The following POF1B variants were observed in gnomAD, a reference collection of about 807,000 sequenced individuals.
The protein encoded by POF1B is protein POF1B.
A neutral mutation model predicts 55.3 loss-of-function variants in POF1B; 53 were observed. That is an observed-to-expected ratio of 0.96 (90% CI 0.77 to 1.20). The LOEUF (loss-of-function observed/expected upper bound fraction) is 1.20, where lower values mean the gene tolerates loss of function less well. Among genes scored for constraint, POF1B ranks in the 50% most tolerant of loss-of-function variants. POF1B has a pLI of 0.00. For synonymous variants in POF1B, 188 were observed against 148.3 expected (o/e 1.27, Z -1.95); for missense variants, 478 against 420.5 (o/e 1.14, Z -1.20).
At chrX:85,323,180 G>A (rs1932858234) in intron 7 of POF1B, among the ~76,000 whole-genome samples, 1 of 111,473 alleles carries the variant, frequency 9.0e-6, no homozygotes, top group Admixed American at 9.5e-5. Context: ...CAATAGCAAA[G>A]GCTTGGAACC....
At position 85,278,170 on chromosome X, in the gene POF1B, G is replaced by C. The variant is rs915296941; in HGVS notation, c.*1251C>G. The C allele has an allele frequency of 1.8e-5, 2 of 110,572 alleles. No homozygotes were observed. Among genetic ancestry groups the C allele is most frequent in the Admixed American group, 1.9e-4 (2 of 10,326 alleles). 9.1% of individuals were successfully genotyped at this position (110,572 alleles called of 1,213,427 possible). On this transcript the variant is annotated 3_prime_UTR_variant, in exon 17 of 17. Transcript: ENST00000262753. ...ATTAAAAGTTTTTTCCTCATTTATG[G>C]TTTGATTTAGTGTAGTGCCTCAACT...
rs776580419 is a variant in POF1B, at chrX:85,282,362, A to G, written c.1650-45T>C. ...TAGTTTACAGGCTGCATGAGAAAAT[A>G]ACTTTCATTCCTTTTTAGTCACTCC... On this transcript the variant is annotated intron_variant, in intron 15 of 16. Coordinates refer to ENST00000262753, the MANE Select transcript of POF1B (RefSeq NM_024921.4). 53 of 933,304 alleles carry G rather than the reference A, an allele frequency of 5.7e-5. 1 individual carries two copies. The Middle Eastern group carries it at 0.011, about 191-fold the overall frequency. 76.9% of individuals were successfully genotyped at this position (933,304 alleles called of 1,213,427 possible).
intron 7 of POF1B, among the ~76,000 whole-genome samples, chrX:85,315,939 A>G (rs913713513): frequency 9.0e-6 from 1 of 111,560 alleles, no homozygotes; most frequent in African/African-American, 3.2e-5. Flanking sequence ...TAGCAAATCT[A>G]TTAAAAAAGA....
rs41300878 is a variant in POF1B, at chrX:85,278,752, A to G, written c.*669T>C. 14,528 of 110,273 alleles carry G rather than the reference A, an allele frequency of 0.13. 726 individuals are homozygous for G. The highest frequency in any genetic ancestry group is 0.17 in the South Asian group (453 of 2,640). The allele number at this position is 110,273 out of a possible 1,213,427, so 9.1% of individuals were successfully genotyped here. On this transcript the variant is annotated 3_prime_UTR_variant, in exon 17 of 17. Coordinates refer to ENST00000262753, the MANE Select transcript of POF1B (RefSeq NM_024921.4). ...AAAGAACAGATTTGCCAAGGGACTAATATGTACTTAGAACCAGAATAGCAT... is the reference window on the plus strand; with the variant it reads ...AAAGAACAGATTTGCCAAGGGACTAGTATGTACTTAGAACCAGAATAGCAT...
chrX:85,326,082 A>T (rs773740287), intron 7 of POF1B, among the ~76,000 whole-genome samples: 1 of 111,945 alleles, frequency 8.9e-6, no homozygotes, highest in East Asian at 2.8e-4. Context: ...ACCGCTGGTC[A>T]CAACACTCCT....
intron 6 of POF1B, among the ~76,000 whole-genome samples, chrX:85,337,565 A>G (rs1316136784): frequency 1.8e-5 from 2 of 111,491 alleles, no homozygotes; most frequent in Admixed American, 1.9e-4. Flanking sequence ...CTCTTTGTCC[A>G]TCTCGCCCCA....
chrX:85,320,889 C>A (rs1932830882), intron 7 of POF1B, among the ~76,000 whole-genome samples: 1 of 109,891 alleles, frequency 9.1e-6, no homozygotes, highest in East Asian at 2.9e-4. Flanking sequence ...AAGACTAAAC[C>A]AGGAAGAAGT....
chrX:85,362,749 GC>G (rs1192480410), intron 3 of POF1B, among the ~76,000 whole-genome samples: 5 of 111,404 alleles, frequency 4.5e-5, no homozygotes, highest in African/African-American at 1.6e-4. Context: ...TCAGGATGAT[GC>G]TGGCCTCATA....
intron 7 of POF1B, among the ~76,000 whole-genome samples, chrX:85,323,119 C>T (rs1226503823): frequency 1.8e-5 from 2 of 111,434 alleles, no homozygotes; most frequent in African/African-American, 3.3e-5. Flanking sequence ...GACTATAAAT[C>T]ATGCTGCTAT....
At chrX:85,294,235 C>T (rs1330524997) in intron 15 of POF1B, among the ~76,000 whole-genome samples, 7 of 111,341 alleles carry the variant, frequency 6.3e-5, no homozygotes, top group Non-Finnish European at 1.1e-4. Context: ...ATTGCTCTGG[C>T]TAGGACTTCC....
chrX:85,379,041 T>C (rs1237725915), intron 2 of POF1B, 132 bp downstream of exon 2: 2 of 730,683 alleles, frequency 2.7e-6, no homozygotes. Flanking sequence ...TTTGGGTGAC[T>C]ATCCAAGGCA....
At chrX:85,339,738 G>A (rs12014243) in intron 6 of POF1B, among the ~76,000 whole-genome samples, 4,096 of 110,917 alleles carry the variant, frequency 0.037, 161 homozygotes, top group African/African-American at 0.11. Flanking sequence ...GAGATTATAA[G>A]TCAATAGAAT....
chrX:85,320,168 T>A (rs756217249), intron 7 of POF1B, among the ~76,000 whole-genome samples: 1 of 111,335 alleles, frequency 9.0e-6, no homozygotes, highest in African/African-American at 3.3e-5. Context: ...AGGGTGTTTG[T>A]AATAGTCTCT....
chrX:85,305,808 CTCTA>C lies in POF1B; in HGVS notation c.1416_1419del (p.Asp472GlufsTer6), dbSNP rs769405633. 4 of 1,207,585 alleles carry C rather than the reference CTCTA, an allele frequency of 3.3e-6. No homozygotes were observed. Among genetic ancestry groups the C allele is most frequent in the African/African-American group, 1.8e-5 (1 of 57,047 alleles). Reference sequence around the variant, plus strand: ...CAACATACCCTCAGTCTGCAGATCTCTCTATCTTTCTCCATTCTCAAGTTTTTTA... The same window carrying C: ...CAACATACCCTCAGTCTGCAGATCTCTCTTTCTCCATTCTCAAGTTTTTTA... On this transcript the variant is annotated frameshift_variant, in exon 13 of 17. Transcript: ENST00000262753. LOFTEE classifies it high-confidence loss of function.
chrX:85,377,403 C>T (rs1603087202), intron 2 of POF1B, among the ~76,000 whole-genome samples: 2 of 112,209 alleles, frequency 1.8e-5, no homozygotes, highest in Admixed American at 9.5e-5. Context: ...TGATATCCAA[C>T]TCAGTTTGAA....
At chrX:85,296,867 T>C (rs1932320404) in intron 15 of POF1B, among the ~76,000 whole-genome samples, 1 of 112,266 alleles carries the variant, frequency 8.9e-6, no homozygotes. Flanking sequence ...CTGTCAGGAA[T>C]ATCAATTAGT....
intron 5 of POF1B, among the ~76,000 whole-genome samples, chrX:85,349,197 C>A (rs1222912738): frequency 9.0e-6 from 1 of 111,158 alleles, no homozygotes; most frequent in Non-Finnish European, 1.9e-5. Flanking sequence ...TGAAAGTTTG[C>A]TTCATTTTAA....
intron 5 of POF1B, among the ~76,000 whole-genome samples, chrX:85,349,326 A>G (rs1933332881): frequency 9.0e-6 from 1 of 111,286 alleles, no homozygotes; most frequent in Admixed American, 9.6e-5. Context: ...GAAAAGCTAG[A>G]ATTTTTTAGT....
intron 15 of POF1B, among the ~76,000 whole-genome samples, chrX:85,290,446 C>T (rs1932158247): frequency 1.8e-5 from 2 of 110,715 alleles, no homozygotes; most frequent in East Asian, 2.8e-4. Flanking sequence ...GGGTAGAATG[C>T]TTTTTTTTAC....
Sources: gnomAD v4.1 joint callset for allele counts (sites outside exome capture counted in the v4.1 genomes callset) on GRCh38, gnomAD v4.1.1 for gene constraint, MANE v1.5 for transcripts, NCBI Gene and HGNC (gene_info 2026-07-23, HGNC 2026-07-21) for gene names.